The following SHISA9 variants were observed in gnomAD, a reference collection of about 807,000 sequenced individuals.
SHISA9 encodes the protein protein shisa-9.
In SHISA9, 13 loss-of-function variants were observed where a neutral mutation model predicts 38.0. That is an observed-to-expected ratio of 0.34 (90% CI 0.22 to 0.54). The LOEUF is 0.54. Ranked by LOEUF, SHISA9 falls within the 20% of genes least tolerant of loss-of-function variation. SHISA9 has a pLI of 0.91. For synonymous variants in SHISA9, 275 were observed against 242.0 expected (o/e 1.14, Z -1.27); for missense variants, 538 against 575.8 (o/e 0.93, Z 0.67).
intron 2 of SHISA9, among the ~76,000 whole-genome samples, chr16:13,009,016 G>A (rs1001304040): frequency 6.6e-6 from 1 of 151,962 alleles, no homozygotes; most frequent in Non-Finnish European, 1.5e-5. Flanking sequence ...GACTCCATAG[G>A]GGATGGAGAG....
the SHISA9 span, among the ~76,000 whole-genome samples, chr16:13,341,624 C>A: frequency 2.0e-5 from 3 of 152,158 alleles, no homozygotes; most frequent in African/African-American, 7.2e-5. Flanking sequence ...ATTCTAGTTA[C>A]CTCTGGTCCT....
chr16:13,527,041 G>C, the SHISA9 span, among the ~76,000 whole-genome samples: 2 of 151,998 alleles, frequency 1.3e-5, no homozygotes, highest in African/African-American at 4.8e-5. Context: ...ACCCCAAATG[G>C]CAACCCATTC....
At chr16:13,400,375 C>A in the SHISA9 span, among the ~76,000 whole-genome samples, 1 of 152,110 alleles carries the variant, frequency 6.6e-6, no homozygotes, top group South Asian at 2.1e-4. Context: ...CACACACACA[C>A]ACACACACAT....
At chr16:13,086,426 A>G (rs777800957) in intron 2 of SHISA9, among the ~76,000 whole-genome samples, 15 of 152,096 alleles carry the variant, frequency 9.9e-5, no homozygotes, top group Non-Finnish European at 1.5e-4. Context: ...GAGTTAAACA[A>G]CAAATCAGAT....
chr16:12,998,848 T>C (rs2072490456), intron 2 of SHISA9, among the ~76,000 whole-genome samples: 1 of 152,228 alleles, frequency 6.6e-6, no homozygotes, highest in African/African-American at 2.4e-5. Flanking sequence ...CTTCATAAAG[T>C]ACAGTTGATC....
the SHISA9 span, among the ~76,000 whole-genome samples, chr16:13,490,315 C>A: frequency 1.3e-5 from 2 of 152,178 alleles, no homozygotes; most frequent in African/African-American, 4.8e-5. Context: ...GTAATCCCAG[C>A]ACTTTGGGAG....
chr16:13,089,526 T>G (rs2073751196), intron 2 of SHISA9, among the ~76,000 whole-genome samples: 1 of 152,254 alleles, frequency 6.6e-6, no homozygotes, highest in Non-Finnish European at 1.5e-5. Flanking sequence ...TAGTTTAGTC[T>G]TGGGAGAGTG....
intron 2 of SHISA9, among the ~76,000 whole-genome samples, chr16:13,058,005 T>C (rs545356935): frequency 2.6e-5 from 4 of 152,290 alleles, no homozygotes; most frequent in East Asian, 3.9e-4. Flanking sequence ...GGCTGTATAA[T>C]ATTCCATGGT....
chr16:13,351,890 A>G, the SHISA9 span, among the ~76,000 whole-genome samples: 3 of 152,210 alleles, frequency 2.0e-5, no homozygotes, highest in South Asian at 2.1e-4. Flanking sequence ...TATGATAGCA[A>G]ACATACTGCT....
At chr16:13,132,873 T>C (rs1353943009) in intron 2 of SHISA9, among the ~76,000 whole-genome samples, 1 of 152,176 alleles carries the variant, frequency 6.6e-6, no homozygotes, top group Non-Finnish European at 1.5e-5. Context: ...TAGGGATGGC[T>C]CAGAACTTCT....
At chr16:13,317,327 C>T in the SHISA9 span, among the ~76,000 whole-genome samples, 1 of 152,172 alleles carries the variant, frequency 6.6e-6, no homozygotes. Flanking sequence ...ATGCAAGAGT[C>T]AACATTTCAG....
At chr16:13,205,000 C>G (rs2051050015) in intron 3 of SHISA9, 1 of 152,154 alleles carries the variant, frequency 6.6e-6, no homozygotes, top group Admixed American at 6.6e-5. Context: ...TGGATAGAAG[C>G]AACAGTCACA....
intron 2 of SHISA9, among the ~76,000 whole-genome samples, chr16:13,200,440 ACAG>A (rs771736127): frequency 0.01 from 1,555 of 150,066 alleles, 24 homozygotes; most frequent in African/African-American, 0.034. Flanking sequence ...ACACACACAC[ACAG>A]CAGCAGCAGC....
intron 2 of SHISA9, among the ~76,000 whole-genome samples, chr16:13,088,861 G>A (rs2073742630): frequency 6.6e-6 from 1 of 152,212 alleles, no homozygotes; most frequent in South Asian, 2.1e-4. Context: ...AATAGCAGTG[G>A]TGAGAGAGGG....
At chr16:13,478,739 A>G in the SHISA9 span, among the ~76,000 whole-genome samples, 1 of 152,192 alleles carries the variant, frequency 6.6e-6, no homozygotes, top group African/African-American at 2.4e-5. Flanking sequence ...AAGCCTTTCT[A>G]CATCGGTACA....
At chr16:12,978,319 G>A (rs1407361651) in intron 2 of SHISA9, among the ~76,000 whole-genome samples, 1 of 152,188 alleles carries the variant, frequency 6.6e-6, no homozygotes, top group Admixed American at 6.5e-5. Flanking sequence ...TTTCATAAGT[G>A]CAGCCCTGTT....
At chr16:13,099,668 G>A (rs747553814) in intron 2 of SHISA9, among the ~76,000 whole-genome samples, 26 of 152,160 alleles carry the variant, frequency 1.7e-4, no homozygotes, top group Non-Finnish European at 2.8e-4. Flanking sequence ...GCTGGACCCC[G>A]ATGGGCAGCG....
chr16:13,328,573 T>C, the SHISA9 span, among the ~76,000 whole-genome samples: 1 of 147,992 alleles, frequency 6.8e-6, no homozygotes, highest in Non-Finnish European at 1.5e-5. Context: ...CCACCACGCC[T>C]GGCTAAATAT....
chr16:13,317,942 A>G, the SHISA9 span, among the ~76,000 whole-genome samples: 1 of 151,760 alleles, frequency 6.6e-6, no homozygotes. Context: ...AAAATATGTA[A>G]TATCTGACAT....
Sources: gnomAD v4.1 joint callset for allele counts (sites outside exome capture counted in the v4.1 genomes callset) on GRCh38, gnomAD v4.1.1 for gene constraint, MANE v1.5 for transcripts, NCBI Gene and HGNC (gene_info 2026-07-23, HGNC 2026-07-21) for gene names.